Variants in PLCG2 observed in about 807,000 individuals in gnomAD.
The protein encoded by PLCG2 is phospholipase C gamma 2, also known as 1-phosphatidylinositol 4,5-bisphosphate phosphodiesterase gamma-2.
A neutral mutation model predicts 175.6 loss-of-function variants in PLCG2; 69 were observed. The ratio of observed to expected loss-of-function variants is 0.39; its 90% CI spans 0.32 to 0.48. The LOEUF (loss-of-function observed/expected upper bound fraction) is 0.48. PLCG2 is among the 20% of genes least tolerant of loss of function. The probability of loss-of-function intolerance (pLI) is 0.91; values close to 1 mark genes in which losing one functional copy is unlikely to be tolerated. For missense variants in PLCG2, 1,798 were observed against 1,650.9 expected, an observed-to-expected ratio of 1.09 and a Z score of -1.54; for synonymous variants, 827 against 624.0, an observed-to-expected ratio of 1.33 and a Z score of -4.85.
At chr16:81,795,248 G>A (rs1190891200) in intron 2 of PLCG2, among the ~76,000 whole-genome samples, 1 of 152,146 alleles carries the variant, frequency 6.6e-6, no homozygotes. Flanking sequence ...AAGGAACAGG[G>A]TACTGTAATA....
At position 81,956,844 on chromosome 16, in the gene PLCG2, C is replaced by T. The variant is rs773291650; in HGVS notation, c.3720C>T (p.Asn1240=). 6.2e-7 allele frequency: 1 copy of T among 1,613,978 alleles called. No homozygotes were observed. The highest frequency in any genetic ancestry group is 1.3e-5 in the African/African-American group (1 of 75,050). Residue 1240 remains asparagine (N), a synonymous_variant, in exon 32 of 33, where the codon AAC becomes AAT. Transcript: ENST00000564138. ...TTAAAGAGTTCAGTGTTAATGAGAACCAGCTCCAGCTGTACCAGGAGAAAT... is the reference window on the plus strand; with the variant it reads ...TTAAAGAGTTCAGTGTTAATGAGAATCAGCTCCAGCTGTACCAGGAGAAAT... ...ALVKEFSVNE[N]QLQLYQEKCN... is the part of the protein sequence containing the mutation.
Position 81,916,289 on chromosome 16 carries a change from TA to T in PLCG2, c.2055-3188del, listed in dbSNP as rs555315238. Among the ~76,000 whole-genome samples, 434 of 94,578 alleles carry T rather than the reference TA, an allele frequency of 4.6e-3. 2 individuals carry two copies. Among genetic ancestry groups the T allele is most frequent in the African/African-American group, 0.018 (413 of 22,346 alleles). 62.0% of individuals were successfully genotyped at this position (94,578 alleles called of 152,430 possible). A position where few individuals can be genotyped will look rare whatever the true frequency, so the allele number is the denominator to read the frequency against. Reference sequence around the variant, plus strand: ...TTTCAAAAGACTGGAAATCCTTTTTTAAAAAAAGAAAAAAAACAACGTTTTT... The same window carrying T: ...TTTCAAAAGACTGGAAATCCTTTTTTAAAAAAGAAAAAAAACAACGTTTTT... On this transcript the variant is annotated intron_variant, in intron 19 of 32. Transcript: ENST00000564138.
intron 2 of PLCG2, among the ~76,000 whole-genome samples, chr16:81,817,504 T>C (rs4548854): frequency 0.99 from 151,428 of 152,370 alleles, 75,247 homozygotes; most frequent in East Asian, 1. Context: ...AAACGCCTTT[T>C]GTCAGCTGTG....
chr16:81,748,236 A>T (rs1567692308), intron 1 of PLCG2, among the ~76,000 whole-genome samples: 2 of 152,190 alleles, frequency 1.3e-5, no homozygotes, highest in African/African-American at 4.8e-5. Context: ...CTAAAAATAC[A>T]AAATTTAGCT....
intron 6 of PLCG2, among the ~76,000 whole-genome samples, chr16:81,870,384 A>T (rs916916109): frequency 3.9e-5 from 6 of 152,100 alleles, no homozygotes; most frequent in Non-Finnish European, 8.8e-5. Context: ...GTTCTGTCTG[A>T]CTCCCAATGC....
Position 81,958,664 on chromosome 16 carries a change from C to T in PLCG2, c.*666C>T. 4.5e-6 allele frequency: 1 copy of T among 223,460 alleles called. No homozygotes were observed. Among genetic ancestry groups the T allele is most frequent in the Non-Finnish European group, 8.9e-6 (1 of 111,924 alleles). 13.8% of individuals were successfully genotyped at this position (223,460 alleles called of 1,614,324 possible). ...GGATGGAGGGTAGGAATCTTGGGGC[C>T]TCTTTGTTTTAAAAAGCCCATCAGA... On this transcript the variant is annotated 3_prime_UTR_variant, in exon 33 of 33. Transcript: ENST00000564138.
chr16:81,902,212 A>C (rs1237166656), intron 14 of PLCG2, among the ~76,000 whole-genome samples: 3 of 152,226 alleles, frequency 2.0e-5, no homozygotes, highest in African/African-American at 7.2e-5. Context: ...GGAAGGAGCG[A>C]GTGTGAATTT....
chr16:81,894,094 C>T (rs992750358), intron 12 of PLCG2, among the ~76,000 whole-genome samples: 16 of 151,714 alleles, frequency 1.1e-4, no homozygotes, highest in African/African-American at 3.1e-4. Flanking sequence ...GCACAGGTAC[C>T]GCGTATCACC....
chr16:81,934,611 G>T, intron 26 of PLCG2, 80 bp downstream of exon 26: 1 of 851,494 alleles, frequency 1.2e-6, no homozygotes, highest in South Asian at 1.5e-5. Context: ...TTCAGAGGGG[G>T]CAGAGAGTGC....
intron 19 of PLCG2, 75 bp from the exon 20 acceptor site, chr16:81,919,409 A>G (rs1032103744): frequency 3.4e-6 from 4 of 1,163,036 alleles, no homozygotes; most frequent in East Asian, 4.7e-5. Context: ...GTTGTATCTA[A>G]TCAGTAGGGT....
intron 5 of PLCG2, among the ~76,000 whole-genome samples, chr16:81,862,304 G>T (rs189796556): frequency 3.3e-5 from 5 of 152,338 alleles, no homozygotes; most frequent in Admixed American, 2.6e-4. Flanking sequence ...TTCATTTTTT[G>T]ACTTTTCTAG....
rs780306942 is a variant in PLCG2 at position 81,958,020 on chromosome 16, G to A, written c.*22G>A. The A allele has an allele frequency of 2.5e-6, 4 of 1,570,932 alleles. No homozygotes were observed. The highest frequency in any genetic ancestry group is 3.5e-6 in the Non-Finnish European group (4 of 1,140,512). ...ATAGAAGCTGGGGTATGTGTGTAAG[G>A]GTATTGTGTGTGTGCGCATGTGTGT... is the stretch of plus-strand genomic sequence containing the variant. On this transcript the variant is annotated 3_prime_UTR_variant, in exon 33 of 33. Transcript: ENST00000564138.
intron 18 of PLCG2, among the ~76,000 whole-genome samples, chr16:81,911,522 C>T (rs185463456): frequency 9.9e-5 from 15 of 152,062 alleles, no homozygotes; most frequent in African/African-American, 3.1e-4. Context: ...GCAGCAGCCT[C>T]GAGCTCCTGG....
chr16:81,957,324 A>C (rs1401099823), intron 32 of PLCG2, among the ~76,000 whole-genome samples: 1 of 149,534 alleles, frequency 6.7e-6, no homozygotes, highest in African/African-American at 2.5e-5. Context: ...AACAAACAAA[A>C]AATCCTTTGG....
At chr16:81,772,655 CA>C (rs34085438) in intron 2 of PLCG2, among the ~76,000 whole-genome samples, 6,790 of 140,092 alleles carry the variant, frequency 0.048, 187 homozygotes, top group African/African-American at 0.079. Context: ...ACTAAAAATA[CA>C]AAAAAAAAAA....
At chr16:81,956,953 G>C (rs942270631) in intron 32 of PLCG2, 74 bp downstream of exon 32, 2 of 1,325,034 alleles carry the variant, frequency 1.5e-6, no homozygotes, top group African/African-American at 2.9e-5. Flanking sequence ...CCACGGGCCA[G>C]GCTTCTGGAA....
At chr16:81,884,601 CTGTG>C (rs34497020) in intron 9 of PLCG2, among the ~76,000 whole-genome samples, 3 of 150,472 alleles carry the variant, frequency 2.0e-5, no homozygotes, top group Admixed American at 2.0e-4. Context: ...TTGTATGGAT[CTGTG>C]TGTGTGTGTG....
chr16:81,948,340 G>A (rs887597355), intron 31 of PLCG2, among the ~76,000 whole-genome samples: 5 of 151,300 alleles, frequency 3.3e-5, no homozygotes, highest in Non-Finnish European at 5.9e-5. Flanking sequence ...GGGAAAATAG[G>A]AAAGCTTAAA....
intron 5 of PLCG2, among the ~76,000 whole-genome samples, chr16:81,865,927 G>A (rs1385185525): frequency 7.6e-6 from 1 of 132,436 alleles, no homozygotes; most frequent in African/African-American, 2.9e-5. Flanking sequence ...TGGGGCACCA[G>A]CATGAGAGGA....
Sources: allele counts gnomAD v4.1 joint callset (sites outside exome capture counted in the v4.1 genomes callset), GRCh38; gene constraint gnomAD v4.1.1; transcripts MANE v1.5; gene names NCBI Gene and HGNC (gene_info 2026-07-23, HGNC 2026-07-21).